Variants in RAB38 observed in about 807,000 individuals in gnomAD.
The protein encoded by RAB38 is RAB38, member RAS oncogene family, also known as ras-related protein Rab-38.
A neutral mutation model predicts 18.4 loss-of-function variants in RAB38; 15 were observed. The ratio of observed to expected loss-of-function variants is 0.82; its 90% confidence interval spans 0.55 to 1.26. The LOEUF is 1.26. Ranked by LOEUF, RAB38 falls within the 50% of genes most tolerant of loss-of-function variation. The pLI, the probability that RAB38 is intolerant of heterozygous loss-of-function variation, is 0.00. For missense variants in RAB38, 294 were observed against 267.4 expected (o/e 1.10, Z -0.69); for synonymous variants, 101 against 104.4 (o/e 0.97, Z 0.20).
the RAB38 span, among the ~76,000 whole-genome samples, chr11:87,825,291 C>A: frequency 6.6e-6 from 1 of 152,160 alleles, no homozygotes; most frequent in Non-Finnish European, 1.5e-5. Context: ...AAAGAGTCCT[C>A]ATTGACTATT....
At chr11:88,124,092 GGAA>G (rs1469143104) in intron 2 of RAB38, among the ~76,000 whole-genome samples, 44 of 152,134 alleles carry the variant, frequency 2.9e-4, no homozygotes, top group Admixed American at 2.5e-3. Context: ...AAAACAAATA[GGAA>G]GAAGAACCAT....
the RAB38 span, among the ~76,000 whole-genome samples, chr11:88,050,652 G>T: frequency 6.6e-6 from 1 of 152,292 alleles, no homozygotes; most frequent in Non-Finnish European, 1.5e-5. Flanking sequence ...TTTTCCCCTA[G>T]AATTTACTTT....
At chr11:87,936,477 G>T in the RAB38 span, among the ~76,000 whole-genome samples, 13 of 151,932 alleles carry the variant, frequency 8.6e-5, no homozygotes, top group Non-Finnish European at 1.6e-4. Flanking sequence ...AATACTTCTG[G>T]GTTCTTCTGT....
chr11:87,966,611 C>A, the RAB38 span, among the ~76,000 whole-genome samples: 1 of 152,150 alleles, frequency 6.6e-6, no homozygotes, highest in African/African-American at 2.4e-5. Context: ...CTAAAATTAA[C>A]CTCATTTTTG....
the RAB38 span, among the ~76,000 whole-genome samples, chr11:87,874,074 C>T: frequency 1.3e-5 from 2 of 150,428 alleles, no homozygotes; most frequent in Admixed American, 1.3e-4. Flanking sequence ...AAGTCCAATT[C>T]GACAATATTC....
At chr11:87,976,337 G>GTA in the RAB38 span, among the ~76,000 whole-genome samples, 2 of 135,054 alleles carry the variant, frequency 1.5e-5, no homozygotes, top group Non-Finnish European at 3.1e-5. Flanking sequence ...TTATATGTAG[G>GTA]TATATATATA....
the RAB38 span, among the ~76,000 whole-genome samples, chr11:87,869,622 A>T: frequency 2.0e-5 from 3 of 151,698 alleles, no homozygotes; most frequent in Non-Finnish European, 4.4e-5. Flanking sequence ...TTTTTACTAT[A>T]TTCAAGTATT....
the RAB38 span, among the ~76,000 whole-genome samples, chr11:87,822,789 A>C: frequency 2.0e-5 from 3 of 152,252 alleles, no homozygotes; most frequent in Non-Finnish European, 4.4e-5. Context: ...ATCAGGAGGC[A>C]GAGATCATTG....
chr11:87,976,832 T>A, the RAB38 span, among the ~76,000 whole-genome samples: 2 of 64,482 alleles, frequency 3.1e-5, 1 homozygote, highest in Non-Finnish European at 5.4e-5. Flanking sequence ...ATGTATAATA[T>A]AAATATATAT....
At chr11:87,945,992 G>C in the RAB38 span, among the ~76,000 whole-genome samples, 60,751 of 151,948 alleles carry the variant, frequency 0.4, 12,492 homozygotes, top group South Asian at 0.56. Context: ...GCCCTTTTCA[G>C]AGATGCAGAA....
chr11:88,147,213 T>G (rs1345876703), intron 2 of RAB38, among the ~76,000 whole-genome samples: 4 of 152,118 alleles, frequency 2.6e-5, no homozygotes, highest in Non-Finnish European at 5.9e-5. Flanking sequence ...GAAGGCAAGG[T>G]TTTATCTGTT....
At chr11:88,071,965 A>G in the RAB38 span, among the ~76,000 whole-genome samples, 1 of 152,224 alleles carries the variant, frequency 6.6e-6, no homozygotes, top group African/African-American at 2.4e-5. Context: ...AGGCATGCCC[A>G]TTGTAAGTCA....
the RAB38 span, among the ~76,000 whole-genome samples, chr11:87,857,622 G>A: frequency 3.5e-4 from 53 of 152,286 alleles, no homozygotes; most frequent in Admixed American, 8.5e-4. Flanking sequence ...CAGTGATGAT[G>A]AGAATTTTTT....
the RAB38 span, among the ~76,000 whole-genome samples, chr11:87,977,722 T>C: frequency 1.1e-5 from 1 of 87,320 alleles, no homozygotes; most frequent in Non-Finnish European, 2.0e-5. Context: ...ATTTATATAT[T>C]ATATGACATA....
intron 1 of RAB38, among the ~76,000 whole-genome samples, chr11:88,153,336 C>T (rs902444587): frequency 6.6e-6 from 1 of 152,202 alleles, no homozygotes; most frequent in Non-Finnish European, 1.5e-5. Context: ...GCTAAAAATA[C>T]ACACAAACAT....
the RAB38 span, among the ~76,000 whole-genome samples, chr11:87,855,757 C>T: frequency 1.3e-5 from 2 of 152,070 alleles, no homozygotes; most frequent in African/African-American, 4.8e-5. Flanking sequence ...ATATCCTATG[C>T]CTTCCAATTG....
chr11:88,053,172 ATGG>A, the RAB38 span, among the ~76,000 whole-genome samples: 1 of 116,310 alleles, frequency 8.6e-6, no homozygotes, highest in Non-Finnish European at 1.7e-5. Context: ...ACACATATAT[ATGG>A]AATATATATA....
chr11:87,891,408 T>C, the RAB38 span, among the ~76,000 whole-genome samples: 5 of 151,754 alleles, frequency 3.3e-5, no homozygotes, highest in Non-Finnish European at 5.9e-5. Context: ...TACCACTTAA[T>C]GAGATTGCTT....
chr11:87,863,625 C>T, the RAB38 span, among the ~76,000 whole-genome samples: 1 of 151,670 alleles, frequency 6.6e-6, no homozygotes, highest in Admixed American at 6.6e-5. Flanking sequence ...AACCTGGAGA[C>T]CTAAAGCTAG....
Sources: allele counts gnomAD v4.1 joint callset (sites outside exome capture counted in the v4.1 genomes callset), GRCh38; gene constraint gnomAD v4.1.1; transcripts MANE v1.5; gene names NCBI Gene and HGNC (gene_info 2026-07-23, HGNC 2026-07-21).